The following ATE1 variants were observed in gnomAD, a reference collection of about 807,000 sequenced individuals.
ATE1 encodes arginyl-tRNA--protein transferase 1.
A neutral mutation model predicts 70.5 loss-of-function variants in ATE1; 36 were observed. The observed-to-expected ratio is 0.51, with a 90% confidence interval of 0.39 to 0.67. The LOEUF (loss-of-function observed/expected upper bound fraction) is 0.67. Ranked by LOEUF, ATE1 falls within the 30% of genes least tolerant of loss-of-function variation. The pLI, the probability that ATE1 is intolerant of heterozygous loss-of-function variation, is 0.00. For missense variants in ATE1, 593 were observed against 629.5 expected (o/e 0.94, Z 0.62); for synonymous variants, 232 against 219.3 (o/e 1.06, Z -0.51).
intron 10 of ATE1, among the ~76,000 whole-genome samples, chr10:121,836,321 T>C (rs1191896210): frequency 1.3e-5 from 2 of 152,146 alleles, no homozygotes; most frequent in African/African-American, 2.4e-5. Context: ...GCTGAAAGCC[T>C]CACTCTAAGT....
At chr10:121,891,613 T>G (rs989964347) in intron 7 of ATE1, among the ~76,000 whole-genome samples, 1 of 152,218 alleles carries the variant, frequency 6.6e-6, no homozygotes, top group Non-Finnish European at 1.5e-5. Context: ...TTCTTAATGA[T>G]GTCTGTATTA....
chr10:121,829,621 T>C (rs1443137284), intron 10 of ATE1, among the ~76,000 whole-genome samples: 5 of 146,934 alleles, frequency 3.4e-5, no homozygotes, highest in East Asian at 2.0e-4. Flanking sequence ...AGGCAGAGAA[T>C]TGCTTAAACC....
At position 121,870,062 on chromosome 10, in the gene ATE1, C is replaced by A. The variant is rs1405182517; in HGVS notation, c.943-24G>T. 3 of 1,604,444 alleles carry A rather than the reference C, an allele frequency of 1.9e-6. No individual in the cohort carries two copies. In the South Asian group the frequency reaches 3.3e-5, roughly 18 times the overall value. ...AACTGCAGTCAAATTTGAACAGAATCCATTTCATCCAGTAAACAGACGGCA... is the reference window on the plus strand; with the variant it reads ...AACTGCAGTCAAATTTGAACAGAATACATTTCATCCAGTAAACAGACGGCA... On this transcript the variant is annotated intron_variant, in intron 7 of 11. Transcript: ENST00000224652.
intron 8 of ATE1, among the ~76,000 whole-genome samples, chr10:121,844,698 T>C (rs1002000168): frequency 3.9e-5 from 6 of 152,168 alleles, no homozygotes; most frequent in Non-Finnish European, 7.4e-5. Flanking sequence ...TGTCCTTCAA[T>C]AGGCAAATGG....
intron 10 of ATE1, among the ~76,000 whole-genome samples, chr10:121,800,805 A>C (rs1348914812): frequency 6.6e-6 from 1 of 152,212 alleles, no homozygotes; most frequent in South Asian, 2.1e-4. Context: ...CATAAACAAA[A>C]GTAGTTCAAA....
At chr10:121,797,080 T>C (rs891982042) in intron 10 of ATE1, among the ~76,000 whole-genome samples, 4 of 152,192 alleles carry the variant, frequency 2.6e-5, no homozygotes, top group African/African-American at 7.2e-5. Flanking sequence ...AACACAAGTA[T>C]AAAAGGACAT....
intron 7 of ATE1, among the ~76,000 whole-genome samples, chr10:121,883,313 C>T (rs1192723265): frequency 6.6e-6 from 1 of 152,116 alleles, no homozygotes; most frequent in Non-Finnish European, 1.5e-5. Context: ...AGATCTTTAT[C>T]TGATTTACTC....
chr10:121,867,552 C>T (rs1353426387), intron 8 of ATE1, among the ~76,000 whole-genome samples: 1 of 152,078 alleles, frequency 6.6e-6, no homozygotes, highest in East Asian at 1.9e-4. Context: ...AAAGAGACTC[C>T]CGTTGTACAC....
chr10:121,769,778 C>T, intron 11 of ATE1, among the ~76,000 whole-genome samples: 1 of 152,166 alleles, frequency 6.6e-6, no homozygotes, highest in East Asian at 1.9e-4. Flanking sequence ...ACATCAGTAG[C>T]CATTTGGGAG....
intron 3 of ATE1, among the ~76,000 whole-genome samples, chr10:121,914,870 A>T (rs1951583499): frequency 1.3e-5 from 2 of 152,340 alleles, no homozygotes; most frequent in African/African-American, 4.8e-5. Context: ...ACAGCAGGTT[A>T]TGAAATACTT....
chr10:121,848,341 G>T (rs1384426672), intron 8 of ATE1, among the ~76,000 whole-genome samples: 11 of 151,808 alleles, frequency 7.2e-5, no homozygotes, highest in African/African-American at 2.7e-4. Flanking sequence ...TATCGGCTGG[G>T]TGTGGTGGCT....
upstream of ATE1, chr10:121,928,239 C>CA: frequency 7.2e-7 from 1 of 1,395,442 alleles, no homozygotes; most frequent in Non-Finnish European, 9.4e-7. Flanking sequence ...TGGGGAGAGT[C>CA]AAGAGGGGAA....
chr10:121,760,776 T>C (rs1945006425), intron 11 of ATE1, among the ~76,000 whole-genome samples: 1 of 152,260 alleles, frequency 6.6e-6, no homozygotes, highest in African/African-American at 2.4e-5. Flanking sequence ...GTTCTACTGC[T>C]ATCAAACAGC....
intron 7 of ATE1, among the ~76,000 whole-genome samples, chr10:121,875,490 A>G (rs1457820516): frequency 6.6e-6 from 1 of 151,788 alleles, no homozygotes; most frequent in Non-Finnish European, 1.5e-5. Context: ...TTTTTAGTAG[A>G]GACGGGGTTT....
At chr10:121,911,235 T>C in intron 4 of ATE1, 84 bp from the exon 5 acceptor site, 3 of 1,488,468 alleles carry the variant, frequency 2.0e-6, no homozygotes, top group Non-Finnish European at 2.7e-6. Context: ...GTTCCTATTA[T>C]CCATTGTGGC....
intron 10 of ATE1, among the ~76,000 whole-genome samples, chr10:121,820,611 C>G (rs1947754996): frequency 6.6e-6 from 1 of 152,154 alleles, no homozygotes. Context: ...CTTATTTGCA[C>G]AGTGCTTCAA....
intron 5 of ATE1, among the ~76,000 whole-genome samples, chr10:121,908,230 G>T (rs910464546): frequency 6.6e-6 from 1 of 152,198 alleles, no homozygotes; most frequent in Admixed American, 6.5e-5. Flanking sequence ...CCAGCCGGGT[G>T]CAGTGGCTCA....
rs530514432 is a variant in ATE1 at position 121,861,534 on chromosome 10, T to C, written c.975+8472A>G. The stretch of plus-strand genomic sequence containing the variant: ...GCATATTCTCACTCATAGGTGGGAA[T>C]TGAACAATGAGAACACATGGACACA... On this transcript the variant is annotated intron_variant, in intron 8 of 11. Transcript: ENST00000224652. 4.4e-4 allele frequency among the ~76,000 whole-genome samples: 63 copies of C among 143,960 alleles called. 1 individual carries two copies. Among genetic ancestry groups the C allele is most frequent in the African/African-American group, 1.4e-3 (56 of 38,710 alleles). The allele number at this position is 143,960 out of a possible 152,430, so 94.4% of individuals were successfully genotyped here. A position where few individuals can be genotyped will look rare whatever the true frequency, so the allele number is the denominator to read the frequency against.
At chr10:121,920,474 G>C (rs1481552390) in intron 3 of ATE1, among the ~76,000 whole-genome samples, 1 of 151,668 alleles carries the variant, frequency 6.6e-6, no homozygotes, top group African/African-American at 2.4e-5. Context: ...AGGCTGCAGT[G>C]AGCCATGGTT....
Sources: allele counts gnomAD v4.1 joint callset (sites outside exome capture counted in the v4.1 genomes callset), GRCh38; gene constraint gnomAD v4.1.1; transcripts MANE v1.5; gene names NCBI Gene and HGNC (gene_info 2026-07-23, HGNC 2026-07-21).